Variants in THSD7B observed in about 807,000 individuals in gnomAD.
The protein encoded by THSD7B is thrombospondin type-1 domain-containing protein 7B.
THSD7B carries 138 observed loss-of-function variants against 213.6 expected under a neutral mutation model. The ratio of observed to expected loss-of-function variants is 0.65; its 90% confidence interval spans 0.56 to 0.74. The LOEUF (loss-of-function observed/expected upper bound fraction) is 0.74. Among genes scored for constraint, THSD7B ranks in the 30% least tolerant of loss-of-function variants. The pLI, the probability that THSD7B is intolerant of heterozygous loss-of-function variation, is 0.00. For synonymous variants in THSD7B, 742 were observed against 687.0 expected (o/e 1.08, Z -1.25); for missense variants, 1,931 against 1,991.5 (o/e 0.97, Z 0.58).
intron 15 of THSD7B, among the ~76,000 whole-genome samples, chr2:137,453,955 G>T (rs961507631): frequency 6.6e-6 from 1 of 152,164 alleles, no homozygotes; most frequent in Admixed American, 6.5e-5. Flanking sequence ...TTCTTTTTAA[G>T]GTTGAATAGT....
At chr2:136,824,093 T>C (rs774703162) in intron 1 of THSD7B, among the ~76,000 whole-genome samples, 25 of 152,168 alleles carry the variant, frequency 1.6e-4, no homozygotes, top group African/African-American at 3.1e-4. Flanking sequence ...ATGAGGAAAC[T>C]GAAGTATAAA....
chr2:137,612,097 T>C (rs1289860811), intron 17 of THSD7B, among the ~76,000 whole-genome samples: 2 of 152,232 alleles, frequency 1.3e-5, no homozygotes, highest in East Asian at 3.8e-4. Flanking sequence ...AAATCTGCAA[T>C]TCAAATTATA....
intron 5 of THSD7B, among the ~76,000 whole-genome samples, chr2:137,156,675 C>G (rs1321279523): frequency 2.0e-5 from 3 of 152,160 alleles, no homozygotes. Flanking sequence ...TGTGGAGACA[C>G]AGTGTCCTTG....
At chr2:137,162,546 G>A (rs749482974) in intron 6 of THSD7B, among the ~76,000 whole-genome samples, 88 of 152,292 alleles carry the variant, frequency 5.8e-4, no homozygotes, top group Middle Eastern at 3.4e-3. Context: ...TGGTACTGCA[G>A]GCAGGTAGAA....
chr2:137,470,329 C>T (rs1573643974), intron 15 of THSD7B, among the ~76,000 whole-genome samples: 1 of 152,148 alleles, frequency 6.6e-6, no homozygotes, highest in Non-Finnish European at 1.5e-5. Flanking sequence ...TTTGTCCTTA[C>T]TATACTTGCT....
chr2:137,549,551 T>A (rs897649228), intron 15 of THSD7B, among the ~76,000 whole-genome samples: 1 of 152,028 alleles, frequency 6.6e-6, no homozygotes, highest in Non-Finnish European at 1.5e-5. Flanking sequence ...ACACTTAGCA[T>A]GAAATCCTCT....
intron 14 of THSD7B, among the ~76,000 whole-genome samples, chr2:137,434,811 G>A (rs1278189581): frequency 6.6e-6 from 1 of 152,116 alleles, no homozygotes; most frequent in Non-Finnish European, 1.5e-5. Flanking sequence ...CTTGTTCTCA[G>A]TTTTGTACTT....
At chr2:137,348,703 CT>C (rs80150345) in intron 12 of THSD7B, among the ~76,000 whole-genome samples, 6,500 of 110,880 alleles carry the variant, frequency 0.059, 355 homozygotes, top group African/African-American at 0.18. Flanking sequence ...CTATGAACTC[CT>C]TTTTTTTTTT....
At chr2:137,439,023 A>G (rs1237250672) in intron 14 of THSD7B, among the ~76,000 whole-genome samples, 4 of 152,108 alleles carry the variant, frequency 2.6e-5, no homozygotes, top group African/African-American at 9.7e-5. Context: ...GCTGCCAAGC[A>G]AGGGCCACCA....
chr2:137,240,312 A>C (rs1208353700), intron 9 of THSD7B, among the ~76,000 whole-genome samples: 1 of 152,150 alleles, frequency 6.6e-6, no homozygotes, highest in Admixed American at 6.5e-5. Flanking sequence ...TTGCCTATGC[A>C]TTGTTTCTAA....
At chr2:137,593,234 T>C (rs1296241610) in intron 17 of THSD7B, among the ~76,000 whole-genome samples, 1 of 151,990 alleles carries the variant, frequency 6.6e-6, no homozygotes, top group Non-Finnish European at 1.5e-5. Context: ...GCAACCGTTC[T>C]GTAAAAGGTA....
intron 2 of THSD7B, among the ~76,000 whole-genome samples, chr2:137,035,102 C>T (rs1366611965): frequency 6.6e-6 from 1 of 152,180 alleles, no homozygotes; most frequent in East Asian, 1.9e-4. Flanking sequence ...AACTCTGAGG[C>T]CCTGATGCTA....
chr2:137,468,249 G>C (rs984167100), intron 15 of THSD7B, among the ~76,000 whole-genome samples: 2 of 152,022 alleles, frequency 1.3e-5, no homozygotes, highest in African/African-American at 2.4e-5. Flanking sequence ...CATTTAAGGA[G>C]ATTTATATAT....
At chr2:137,261,562 C>G (rs1047400873) in intron 10 of THSD7B, among the ~76,000 whole-genome samples, 2 of 152,054 alleles carry the variant, frequency 1.3e-5, no homozygotes, top group East Asian at 3.9e-4. Flanking sequence ...TCTAAAAAGT[C>G]GCATTATTTC....
intron 2 of THSD7B, among the ~76,000 whole-genome samples, chr2:137,019,202 CCTTCATG>C (rs1686397113): frequency 6.6e-6 from 1 of 152,186 alleles, no homozygotes; most frequent in African/African-American, 2.4e-5. Context: ...CATGCCTCAT[CCTTCATG>C]CTTCTTAACA....
chr2:137,258,987 C>A lies in THSD7B; in HGVS notation c.2267-13546C>A, dbSNP rs936991475. On this transcript the variant is annotated intron_variant, in intron 10 of 27. Coordinates refer to ENST00000409968, the MANE Select transcript of THSD7B (RefSeq NM_001316349.2). Reference sequence around the variant, plus strand: ...TGCTAAGAGTGATGACTTCTGGCTTCATCCATGTCCCTGCAAAGGACATTA... The same window carrying A: ...TGCTAAGAGTGATGACTTCTGGCTTAATCCATGTCCCTGCAAAGGACATTA... Among the ~76,000 whole-genome samples the A allele has an allele frequency of 3.9e-5, 6 of 152,158 alleles. No homozygotes were observed. The East Asian group carries it at 1.2e-3, about 29-fold the overall frequency.
chr2:136,789,509 A>G (rs1681924760), intron 1 of THSD7B, among the ~76,000 whole-genome samples: 1 of 152,064 alleles, frequency 6.6e-6, no homozygotes, highest in Non-Finnish European at 1.5e-5. Flanking sequence ...ATTCTTTTCT[A>G]GCTATTTTGA....
intron 15 of THSD7B, among the ~76,000 whole-genome samples, chr2:137,467,116 C>A (rs13403944): frequency 0.22 from 33,724 of 152,118 alleles, 3,923 homozygotes; most frequent in South Asian, 0.27. Context: ...TGGAAGAAGT[C>A]CTGGGAAGAG....
At chr2:137,206,778 A>G (rs925272025) in intron 7 of THSD7B, among the ~76,000 whole-genome samples, 7 of 152,108 alleles carry the variant, frequency 4.6e-5, no homozygotes, top group African/African-American at 1.7e-4. Context: ...CACTATTCAC[A>G]GACGCATCGT....
Sources: allele counts gnomAD v4.1 joint callset (sites outside exome capture counted in the v4.1 genomes callset), GRCh38; gene constraint gnomAD v4.1.1; transcripts MANE v1.5; gene names NCBI Gene and HGNC (gene_info 2026-07-23, HGNC 2026-07-21).